CDH18: variants seen among roughly 807,000 people sequenced by gnomAD.
The protein encoded by CDH18 is cadherin 18.
A neutral mutation model predicts 67.9 loss-of-function variants in CDH18; 31 were observed. The ratio of observed to expected loss-of-function variants is 0.46; its 90% CI spans 0.34 to 0.62. The LOEUF (loss-of-function observed/expected upper bound fraction) is 0.62, where lower values mean the gene tolerates loss of function less well. Ranked by LOEUF, CDH18 falls within the 20% of genes least tolerant of loss-of-function variation. CDH18 has a pLI of 0.01. For synonymous variants in CDH18, 362 were observed against 347.2 expected (o/e 1.04, Z -0.48); for missense variants, 890 against 975.5 (o/e 0.91, Z 1.17).
chr5:20,185,887 A>C (rs535107272), intron 2 of CDH18, among the ~76,000 whole-genome samples: 1 of 151,592 alleles, frequency 6.6e-6, no homozygotes, highest in Non-Finnish European at 1.5e-5. Flanking sequence ...CGTGTGATGC[A>C]TAGTGTCTGG....
intron 2 of CDH18, among the ~76,000 whole-genome samples, chr5:19,946,764 C>T (rs921777589): frequency 6.6e-6 from 1 of 152,006 alleles, no homozygotes; most frequent in Non-Finnish European, 1.5e-5. Flanking sequence ...TGCCTTGATA[C>T]CAAAACCAGA....
intron 1 of CDH18, among the ~76,000 whole-genome samples, chr5:20,268,073 A>G: frequency 6.6e-6 from 1 of 152,102 alleles, no homozygotes; most frequent in Non-Finnish European, 1.5e-5. Flanking sequence ...TCCTGCATTA[A>G]TTTGCTTAGG....
At chr5:20,473,465 C>T (rs950035074) in intron 1 of CDH18, among the ~76,000 whole-genome samples, 13 of 151,956 alleles carry the variant, frequency 8.6e-5, no homozygotes, top group East Asian at 7.7e-4. Flanking sequence ...TGGAAGGATG[C>T]GCTATGACTT....
At chr5:19,924,566 C>T (rs1792884553) in intron 2 of CDH18, among the ~76,000 whole-genome samples, 2 of 152,256 alleles carry the variant, frequency 1.3e-5, no homozygotes, top group East Asian at 1.9e-4. Flanking sequence ...ACGGTGATTG[C>T]AGTGAGCCCA....
intron 1 of CDH18, among the ~76,000 whole-genome samples, chr5:20,371,427 A>G (rs1742988148): frequency 6.6e-6 from 1 of 152,216 alleles, no homozygotes; most frequent in South Asian, 2.1e-4. Flanking sequence ...TCTGCAGAAT[A>G]TGGAACAATG....
At chr5:20,083,179 A>C (rs1046133798) in intron 2 of CDH18, among the ~76,000 whole-genome samples, 4 of 152,220 alleles carry the variant, frequency 2.6e-5, no homozygotes, top group Admixed American at 6.5e-5. Context: ...ACTTAGAGAT[A>C]GCTTCAACTA....
chr5:20,191,817 A>C (rs917533089), intron 2 of CDH18, among the ~76,000 whole-genome samples: 5 of 152,162 alleles, frequency 3.3e-5, no homozygotes, highest in Admixed American at 1.3e-4. Context: ...CACTATAAAC[A>C]TATGTGTGCA....
In CDH18 at chr5:19,839,031, CAGCT is replaced by C. The variant is rs746991026; in HGVS notation, c.-49_-46del. 1 of 1,502,304 alleles carries C rather than the reference CAGCT, an allele frequency of 6.7e-7. No individual in the cohort carries two copies. 93.1% of individuals were successfully genotyped at this position (1,502,304 alleles called of 1,614,324 possible). A position where few individuals can be genotyped will look rare whatever the true frequency, so the allele number is the denominator to read the frequency against. ...TCACAGTTTTCCTTCCTTTCCTTGT[CAGCT>C]ACGAAAGCTTAGTGAGCATTCAAGA... On this transcript the variant is annotated 5_prime_UTR_variant, in exon 3 of 13. It removes the in-frame stop codon of an upstream open reading frame in the 5' UTR. Transcript: ENST00000382275.
intron 3 of CDH18, among the ~76,000 whole-genome samples, chr5:19,779,689 T>A (rs550384671): frequency 6.6e-6 from 1 of 152,122 alleles, no homozygotes; most frequent in African/African-American, 2.4e-5. Context: ...TCCCAGTGGG[T>A]AAAATTTGGT....
chr5:20,098,107 A>G (rs1746147163), intron 2 of CDH18, among the ~76,000 whole-genome samples: 1 of 151,986 alleles, frequency 6.6e-6, no homozygotes, highest in Admixed American at 6.6e-5. Context: ...GTTAGAGACA[A>G]AAATTAATTT....
At chr5:19,479,853 C>A (rs1397364666) in intron 12 of CDH18, among the ~76,000 whole-genome samples, 2 of 152,032 alleles carry the variant, frequency 1.3e-5, no homozygotes, top group African/African-American at 2.4e-5. Context: ...GTAAACATAT[C>A]ATATAGTAAC....
chr5:19,779,241 T>A (rs1774801557), intron 3 of CDH18, among the ~76,000 whole-genome samples: 1 of 152,148 alleles, frequency 6.6e-6, no homozygotes, highest in South Asian at 2.1e-4. Context: ...ACATCTATAA[T>A]ATTAATTTTA....
intron 5 of CDH18, among the ~76,000 whole-genome samples, chr5:19,660,215 G>A (rs1218220973): frequency 6.6e-6 from 1 of 152,064 alleles, no homozygotes; most frequent in Non-Finnish European, 1.5e-5. Flanking sequence ...GTGAAACACT[G>A]AGAATGAATA....
intron 1 of CDH18, among the ~76,000 whole-genome samples, chr5:20,350,619 G>C (rs1455890156): frequency 1.3e-5 from 2 of 152,096 alleles, no homozygotes; most frequent in Admixed American, 1.3e-4. Context: ...CTCATGCATT[G>C]ATGAGTTAAC....
chr5:19,698,974 T>A (rs1018572932), intron 5 of CDH18, among the ~76,000 whole-genome samples: 28 of 152,164 alleles, frequency 1.8e-4, no homozygotes, highest in Non-Finnish European at 3.7e-4. Context: ...TTCCCAAACA[T>A]AATTGAGTCC....
chr5:19,803,649 C>T (rs992431164), intron 3 of CDH18, among the ~76,000 whole-genome samples: 2 of 152,118 alleles, frequency 1.3e-5, no homozygotes, highest in African/African-American at 4.8e-5. Context: ...TGTCATTCAT[C>T]GAGGTAATCC....
chr5:19,679,366 T>TA (rs1759943740), intron 5 of CDH18, among the ~76,000 whole-genome samples: 1 of 151,804 alleles, frequency 6.6e-6, no homozygotes, highest in South Asian at 2.1e-4. Flanking sequence ...AGGCAAAAGC[T>TA]AAAAAAATTC....
chr5:20,460,391 CTAAA>C (rs1554003345), intron 1 of CDH18, among the ~76,000 whole-genome samples: 1 of 124,980 alleles, frequency 8.0e-6, no homozygotes, highest in Non-Finnish European at 1.7e-5. Flanking sequence ...GACTCCATCT[CTAAA>C]TACATAAATA....
chr5:20,162,671 C>T (rs992772948), intron 2 of CDH18, among the ~76,000 whole-genome samples: 7 of 150,948 alleles, frequency 4.6e-5, no homozygotes, highest in South Asian at 2.1e-4. Flanking sequence ...CACTTGTCAG[C>T]GCTATGCTTG....
Sources: gnomAD v4.1 joint callset for allele counts (sites outside exome capture counted in the v4.1 genomes callset) on GRCh38, gnomAD v4.1.1 for gene constraint, MANE v1.5 for transcripts, NCBI Gene and HGNC (gene_info 2026-07-23, HGNC 2026-07-21) for gene names.